Variants in PSD3 observed in about 807,000 individuals in gnomAD.
PSD3 encodes pleckstrin and Sec7 domain containing 3, also known as PH and SEC7 domain-containing protein 3.
PSD3 carries 49 observed loss-of-function variants against 105.5 expected under a neutral mutation model. That is an observed-to-expected ratio of 0.46 (90% CI 0.37 to 0.59). PSD3 has a LOEUF of 0.59. PSD3 is among the 20% of genes least tolerant of loss of function. PSD3 has a pLI of 0.00. For missense variants in PSD3, 1,561 were observed against 1,263.8 expected (o/e 1.24, Z -3.57); for synonymous variants, 557 against 457.8 (o/e 1.22, Z -2.77).
chr8:18,553,740 G>A (rs1186579748), intron 15 of PSD3, among the ~76,000 whole-genome samples: 1 of 152,108 alleles, frequency 6.6e-6, no homozygotes, highest in Non-Finnish European at 1.5e-5. Context: ...AAAAACAATT[G>A]TTCACTTCTT....
chr8:18,553,850 CCTTT>C (rs1439910430), intron 15 of PSD3, among the ~76,000 whole-genome samples: 3 of 152,296 alleles, frequency 2.0e-5, no homozygotes, highest in African/African-American at 7.2e-5. Flanking sequence ...TATCCTCGCG[CCTTT>C]CTGATAGACA....
At chr8:18,784,957 G>T (rs1808991284) in intron 8 of PSD3, among the ~76,000 whole-genome samples, 1 of 152,092 alleles carries the variant, frequency 6.6e-6, no homozygotes, top group South Asian at 2.1e-4. Context: ...GCGGAAGGAG[G>T]GGAGGCTGAA....
chr8:18,573,394 T>C (rs1307796734), intron 13 of PSD3, among the ~76,000 whole-genome samples: 3 of 152,114 alleles, frequency 2.0e-5, no homozygotes, highest in Admixed American at 1.3e-4. Context: ...CACTTGTACC[T>C]GGGAGGCGGA....
chr8:18,620,212 G>T (rs10104424), intron 11 of PSD3, among the ~76,000 whole-genome samples: 55,536 of 151,926 alleles, frequency 0.37, 10,618 homozygotes, highest in Middle Eastern at 0.48. Flanking sequence ...CACCTTTTGG[G>T]GCTGAACCAA....
intron 11 of PSD3, among the ~76,000 whole-genome samples, chr8:18,605,887 A>G (rs1289848721): frequency 6.6e-6 from 1 of 152,156 alleles, no homozygotes; most frequent in Non-Finnish European, 1.5e-5. Flanking sequence ...ACCTTCCACC[A>G]TAATTCTAAG....
At chr8:18,591,362 T>C (rs192679779) in intron 12 of PSD3, among the ~76,000 whole-genome samples, 31 of 152,256 alleles carry the variant, frequency 2.0e-4, no homozygotes, top group Non-Finnish European at 4.4e-5. Flanking sequence ...ACTGCAATAG[T>C]GTGGATACCT....
In PSD3 at chr8:18,530,068, C is replaced by T. The variant is rs1329068555; in HGVS notation, c.*5675G>A. Reference sequence around the variant, plus strand: ...TTAGTCTCCCACCCCACAATTCAAACTCTCTGAATCAGCTACAAAGACACG... The same window carrying T: ...TTAGTCTCCCACCCCACAATTCAAATTCTCTGAATCAGCTACAAAGACACG... On this transcript the variant is annotated 3_prime_UTR_variant, in exon 16 of 16. Transcript: ENST00000327040. 1.3e-5 allele frequency: 2 copies of T among 152,614 alleles called. No homozygotes were observed. Among genetic ancestry groups the T allele is most frequent in the Non-Finnish European group, 2.9e-5 (2 of 68,038 alleles). The allele number at this position is 152,614 out of a possible 1,614,324, so 9.5% of individuals were successfully genotyped here. A position where few individuals can be genotyped will look rare whatever the true frequency, so the allele number is the denominator to read the frequency against.
At chr8:18,938,021 T>G (rs955596404) in intron 1 of PSD3, among the ~76,000 whole-genome samples, 1 of 152,162 alleles carries the variant, frequency 6.6e-6, no homozygotes, top group Non-Finnish European at 1.5e-5. Flanking sequence ...GTTTAGAGAT[T>G]TGCAGGATGA....
intron 9 of PSD3, among the ~76,000 whole-genome samples, chr8:18,695,639 T>C (rs1648592050): frequency 6.6e-6 from 1 of 152,162 alleles, no homozygotes. Flanking sequence ...AACATAACCA[T>C]CACCATTAAA....
chr8:18,803,334 T>C (rs1181946918), intron 6 of PSD3: 2 of 92,980 alleles, frequency 2.2e-5, no homozygotes, highest in Non-Finnish European at 2.3e-5. Context: ...AGTAAGCAAA[T>C]ATAATAAGCA....
chr8:18,842,557 C>A (rs1235589920), intron 4 of PSD3, among the ~76,000 whole-genome samples: 1 of 152,006 alleles, frequency 6.6e-6, no homozygotes, highest in African/African-American at 2.4e-5. Flanking sequence ...CACGGTGAAA[C>A]CCCGTGTCTA....
At chr8:18,816,438 A>T (rs1812228979) in intron 4 of PSD3, among the ~76,000 whole-genome samples, 1 of 152,202 alleles carries the variant, frequency 6.6e-6, no homozygotes, top group South Asian at 2.1e-4. Flanking sequence ...CTAATAAGCT[A>T]TGTGGCTTTC....
chr8:18,684,621 T>G (rs1800564458), intron 9 of PSD3, among the ~76,000 whole-genome samples: 1 of 152,230 alleles, frequency 6.6e-6, no homozygotes, highest in Middle Eastern at 3.2e-3. Flanking sequence ...TTCTGAAGAA[T>G]TAAATGTTTC....
intron 9 of PSD3, among the ~76,000 whole-genome samples, chr8:18,748,937 T>C (rs890508538): frequency 4.6e-5 from 7 of 152,326 alleles, no homozygotes; most frequent in African/African-American, 1.7e-4. Flanking sequence ...TCAGTAGATA[T>C]GGAGCTTTTA....
At chr8:19,061,474 G>C (rs911614305) in intron 1 of PSD3, among the ~76,000 whole-genome samples, 3 of 152,016 alleles carry the variant, frequency 2.0e-5, no homozygotes, top group Admixed American at 2.0e-4. Context: ...TATCTTGTTT[G>C]TTTGCTGGTG....
At chr8:18,617,755 A>C (rs546556274) in intron 11 of PSD3, among the ~76,000 whole-genome samples, 10 of 152,236 alleles carry the variant, frequency 6.6e-5, no homozygotes, top group Admixed American at 1.3e-4. Flanking sequence ...ACTAACACTA[A>C]AATGGAGATC....
Position 19,013,684 on chromosome 8 carries a change from G to A in PSD3, c.-101C>T. 2 of 1,072,722 alleles carry A rather than the reference G, an allele frequency of 1.9e-6. No individual in the cohort carries two copies. The highest frequency in any genetic ancestry group is 2.3e-6 in the Non-Finnish European group (2 of 856,668). 66.5% of individuals were successfully genotyped at this position (1,072,722 alleles called of 1,614,324 possible). A position where few individuals can be genotyped will look rare whatever the true frequency, so the allele number is the denominator to read the frequency against. On this transcript the variant is annotated 5_prime_UTR_variant, in exon 1 of 16. Coordinates refer to ENST00000327040, the MANE Select transcript of PSD3 (RefSeq NM_015310.4). ...CGGCGGCCAGCGCCGCGTGCTCTTT[G>A]TTGAGCTCCCGGGACTGCCGAGAGG... is the stretch of plus-strand genomic sequence containing the variant.
intron 9 of PSD3, among the ~76,000 whole-genome samples, chr8:18,665,171 G>A (rs149868639): frequency 4.8e-4 from 73 of 152,302 alleles, no homozygotes; most frequent in African/African-American, 1.5e-3. Flanking sequence ...CATAGATAGC[G>A]ATTCCTCTGA....
chr8:18,655,458 G>A (rs1484384927), intron 10 of PSD3, among the ~76,000 whole-genome samples, 184 bp downstream of exon 10: 2 of 151,994 alleles, frequency 1.3e-5, no homozygotes, highest in East Asian at 1.9e-4. Context: ...GTATAAAACC[G>A]AAATAGGTTT....
Sources: allele counts gnomAD v4.1 joint callset (sites outside exome capture counted in the v4.1 genomes callset), GRCh38; gene constraint gnomAD v4.1.1; transcripts MANE v1.5; gene names NCBI Gene and HGNC (gene_info 2026-07-23, HGNC 2026-07-21).